The following AJAP1 variants were observed in gnomAD, a reference collection of about 807,000 sequenced individuals.
The protein encoded by AJAP1 is adherens junction-associated protein 1.
In AJAP1, 5 loss-of-function variants were observed where a neutral mutation model predicts 35.0. The observed-to-expected ratio is 0.14, with a 90% confidence interval of 0.07 to 0.30. The LOEUF (loss-of-function observed/expected upper bound fraction) is 0.30, where lower values mean the gene tolerates loss of function less well. Among genes scored for constraint, AJAP1 ranks in the 10% least tolerant of loss-of-function variants. The pLI is 1.00. For missense variants in AJAP1, 586 were observed against 571.0 expected, an observed-to-expected ratio of 1.03 and a Z score of -0.27; for synonymous variants, 284 against 249.3, an observed-to-expected ratio of 1.14 and a Z score of -1.31.
intron 1 of AJAP1, among the ~76,000 whole-genome samples, chr1:4,699,126 G>C (rs1432361396): frequency 2.0e-5 from 3 of 152,178 alleles, no homozygotes; most frequent in Non-Finnish European, 4.4e-5. Flanking sequence ...GGGGCCCAGT[G>C]AGGTGAAGGG....
chr1:4,681,268 C>G (rs916929980), intron 1 of AJAP1, among the ~76,000 whole-genome samples: 1 of 152,218 alleles, frequency 6.6e-6, no homozygotes, highest in Non-Finnish European at 1.5e-5. Context: ...TTCAGCAGCA[C>G]GGACAGTGTG....
At chr1:4,668,221 A>AG (rs1339195322) in intron 1 of AJAP1, among the ~76,000 whole-genome samples, 1 of 151,422 alleles carries the variant, frequency 6.6e-6, no homozygotes, top group Non-Finnish European at 1.5e-5. Flanking sequence ...CTCAAAAAAA[A>AG]AAATGCCATT....
At chr1:4,778,828 C>A (rs1308269280) in intron 5 of AJAP1, among the ~76,000 whole-genome samples, 2 of 152,148 alleles carry the variant, frequency 1.3e-5, no homozygotes, top group East Asian at 1.9e-4. Context: ...TTGTTTCATG[C>A]CATTAGGGAC....
chr1:4,767,555 C>G (rs1484076877), intron 2 of AJAP1, among the ~76,000 whole-genome samples: 2 of 151,756 alleles, frequency 1.3e-5, no homozygotes, highest in Admixed American at 1.3e-4. Flanking sequence ...CCATCTTTAT[C>G]ATTACCATCA....
chr1:4,680,680 A>G (rs1639462776), intron 1 of AJAP1, among the ~76,000 whole-genome samples: 1 of 152,218 alleles, frequency 6.6e-6, no homozygotes, highest in Admixed American at 6.5e-5. Context: ...CTGGGCATAA[A>G]TGACTTCCCA....
intron 1 of AJAP1, among the ~76,000 whole-genome samples, chr1:4,664,395 G>A (rs1639070560): frequency 6.6e-6 from 1 of 152,202 alleles, no homozygotes; most frequent in African/African-American, 2.4e-5. Flanking sequence ...GTATGGAGGT[G>A]AAAAGGACAT....
At chr1:4,771,832 T>C (rs1305800083) in intron 3 of AJAP1, among the ~76,000 whole-genome samples, 1 of 152,100 alleles carries the variant, frequency 6.6e-6, no homozygotes, top group Non-Finnish European at 1.5e-5. Context: ...ACAGGTCCAT[T>C]GTCCATTCTG....
intron 1 of AJAP1, among the ~76,000 whole-genome samples, chr1:4,688,397 T>A (rs532616556): frequency 3.9e-5 from 6 of 152,164 alleles, no homozygotes; most frequent in African/African-American, 1.4e-4. Flanking sequence ...CACGGTCTTA[T>A]GTAGTGAAAA....
chr1:4,719,291 G>A (rs1411584698), intron 2 of AJAP1, among the ~76,000 whole-genome samples: 1 of 152,192 alleles, frequency 6.6e-6, no homozygotes, highest in African/African-American at 2.4e-5. Context: ...GGGATGAGGA[G>A]TTGCAAAACA....
chr1:4,741,887 G>A (rs539575871), intron 2 of AJAP1, among the ~76,000 whole-genome samples: 1 of 152,360 alleles, frequency 6.6e-6, no homozygotes, highest in Admixed American at 6.5e-5. Flanking sequence ...CCAGAGGCCA[G>A]CCCAAAGGGG....
chr1:4,756,577 A>G (rs1019482542), intron 2 of AJAP1, among the ~76,000 whole-genome samples: 1 of 152,164 alleles, frequency 6.6e-6, no homozygotes, highest in Non-Finnish European at 1.5e-5. Context: ...CCGTGAGTGG[A>G]ACCCAAGACA....
In AJAP1 at chr1:4,693,722, G is replaced by A. The variant is rs1459228799; in HGVS notation, c.30-18178G>A. Among the ~76,000 whole-genome samples, 7 of 152,312 alleles carry A rather than the reference G, an allele frequency of 4.6e-5. No individual in the cohort carries two copies. The East Asian group carries it at 1.2e-3, about 25-fold the overall frequency. ...AGGCTGGGGCACCCAAGGTCAAGGG[G>A]CCCACGTCTCGCTGGGGCTTCTTGC... On this transcript the variant is annotated intron_variant, in intron 1 of 5. Transcript: ENST00000378191. This position sits in a 1 kb window ranked among gnomAD's most constrained non-coding sequence, Gnocchi z 4.4.
Position 4,679,420 on chromosome 1 carries a change from A to C in AJAP1, c.29+23966A>C, listed in dbSNP as rs1012105236. Among the ~76,000 whole-genome samples, 7 of 152,300 alleles carry C rather than the reference A, an allele frequency of 4.6e-5. No homozygotes were observed. The Middle Eastern group carries it at 0.01, about 222-fold the overall frequency. Reference sequence around the variant, plus strand: ...TGAATGAAAGTTATTTATATTCTGGAATCTTTATTAGGGGCCTCAGATCAT... The same window carrying C: ...TGAATGAAAGTTATTTATATTCTGGCATCTTTATTAGGGGCCTCAGATCAT... On this transcript the variant is annotated intron_variant, in intron 1 of 5. Coordinates refer to ENST00000378191, the MANE Select transcript of AJAP1 (RefSeq NM_018836.4).
intron 1 of AJAP1, among the ~76,000 whole-genome samples, chr1:4,683,511 AC>A (rs898886297): frequency 9.8e-5 from 15 of 152,364 alleles, no homozygotes; most frequent in Admixed American, 9.1e-4. Context: ...CAGTGGGTCC[AC>A]TGGGACGTTG....
At chr1:4,765,847 A>G (rs951719706) in intron 2 of AJAP1, among the ~76,000 whole-genome samples, 1 of 152,180 alleles carries the variant, frequency 6.6e-6, no homozygotes, top group Non-Finnish European at 1.5e-5. Context: ...GGACAAACCC[A>G]GCAGGGTGAG....
At position 4,737,897 on chromosome 1, in the gene AJAP1, CTT is replaced by C. The variant is rs1382137862; in HGVS notation, c.829+25200_829+25201del. 2.0e-5 allele frequency among the ~76,000 whole-genome samples: 3 copies of C among 152,270 alleles called. No homozygotes were observed. In the South Asian group the frequency reaches 6.2e-4, roughly 32 times the overall value. On this transcript the variant is annotated intron_variant, in intron 2 of 5. Coordinates refer to ENST00000378191, the MANE Select transcript of AJAP1 (RefSeq NM_018836.4). ...AGCCTGGGCGACAGAGCGAGACCCT[CTT>C]TCAAAAAAACCAAAACCAAAACCAA...
intron 5 of AJAP1, among the ~76,000 whole-genome samples, chr1:4,780,131 CAAAAAAAAAAAAAAAAA>C (rs545412869): frequency 1.1e-5 from 1 of 92,196 alleles, no homozygotes; most frequent in African/African-American, 4.5e-5. Flanking sequence ...GTGACAGTCT[CAAAAAAAAAAAAAAAAA>C]AAAAAAAAAT....
At chr1:4,766,596 T>G (rs1441152228) in intron 2 of AJAP1, among the ~76,000 whole-genome samples, 1 of 152,202 alleles carries the variant, frequency 6.6e-6, no homozygotes, top group Non-Finnish European at 1.5e-5. Context: ...TCCTCATAGT[T>G]GTAGCATCCT....
rs948814053 is a variant in AJAP1, at chr1:4,656,006, G to T, written c.29+552G>T. Among the ~76,000 whole-genome samples, 13 of 152,210 alleles carry T rather than the reference G, an allele frequency of 8.5e-5. No individual in the cohort carries two copies. Among genetic ancestry groups the T allele is most frequent in the Middle Eastern group, 3.4e-3 (1 of 294 alleles). On this transcript the variant is annotated intron_variant, in intron 1 of 5. Coordinates refer to ENST00000378191, the MANE Select transcript of AJAP1 (RefSeq NM_018836.4). The surrounding 1 kb of genome is among the most constrained non-coding windows in gnomAD (Gnocchi z 5.7). ...CAGGCTCCCAGCTGCCGACCCAGCT[G>T]TTTGCGGGTGACCTCCGGGCCCGAC...
Sources: gnomAD v4.1 joint callset for allele counts (sites outside exome capture counted in the v4.1 genomes callset) on GRCh38, gnomAD v4.1.1 for gene constraint, Gnocchi (gnomAD v3.1) non-coding constraint, MANE v1.5 for transcripts, NCBI Gene and HGNC (gene_info 2026-07-23, HGNC 2026-07-21) for gene names.